Variants in SPOCK3 observed in about 807,000 individuals in gnomAD.
SPOCK3 encodes the protein testican-3.
SPOCK3 carries 30 observed loss-of-function variants against 56.6 expected under a neutral mutation model. The observed-to-expected ratio is 0.53, with a 90% CI of 0.40 to 0.72. The LOEUF (loss-of-function observed/expected upper bound fraction) is 0.72, where lower values mean the gene tolerates loss of function less well. Ranked by LOEUF, SPOCK3 falls within the 30% of genes least tolerant of loss-of-function variation. The pLI is 0.00. For synonymous variants in SPOCK3, 196 were observed against 183.3 expected (o/e 1.07, Z -0.56); for missense variants, 527 against 530.0 (o/e 0.99, Z 0.06).
chr4:167,171,530 C>T (rs1219528295), intron 2 of SPOCK3, among the ~76,000 whole-genome samples: 15 of 152,026 alleles, frequency 9.9e-5, no homozygotes, highest in Admixed American at 8.5e-4. Flanking sequence ...TTAATATTTA[C>T]AATCATTAGA....
intron 7 of SPOCK3, among the ~76,000 whole-genome samples, chr4:166,791,023 A>G (rs1283714641): frequency 6.6e-6 from 1 of 152,178 alleles, no homozygotes; most frequent in East Asian, 1.9e-4. Context: ...CAAAAAATTA[A>G]CCAATAAATC....
chr4:167,053,062 T>C (rs995758455), intron 3 of SPOCK3, among the ~76,000 whole-genome samples: 1 of 152,088 alleles, frequency 6.6e-6, no homozygotes, highest in African/African-American at 2.4e-5. Context: ...AAAGGACATA[T>C]CAGGCTGTGA....
intron 4 of SPOCK3, among the ~76,000 whole-genome samples, chr4:166,973,299 C>T (rs192980634): frequency 6.6e-6 from 1 of 152,200 alleles, no homozygotes; most frequent in East Asian, 1.9e-4. Flanking sequence ...GTCAATTAAA[C>T]CTCTTTTGTT....
At chr4:167,081,006 G>T (rs553691586) in intron 2 of SPOCK3, among the ~76,000 whole-genome samples, 3 of 149,800 alleles carry the variant, frequency 2.0e-5, no homozygotes. Context: ...TCAGCCTCCC[G>T]AGTAGCTGGA....
intron 8 of SPOCK3, among the ~76,000 whole-genome samples, chr4:166,750,989 A>T (rs1298204019): frequency 1.3e-5 from 2 of 151,974 alleles, no homozygotes; most frequent in African/African-American, 4.8e-5. Context: ...ACAGGGTACC[A>T]TCTACCTGAA....
Position 166,841,371 on chromosome 4 carries a change from C to G in SPOCK3, c.589+47759G>C, listed in dbSNP as rs570093149. On this transcript the variant is annotated intron_variant, in intron 6 of 10. Coordinates refer to ENST00000357545, the MANE Select transcript of SPOCK3 (RefSeq NM_001040159.2). ...AGTGTAGATGCAAGCAAAAGAAAAA[C>G]AATTTCACATAGACTTATAGAATTA... Among the ~76,000 whole-genome samples the G allele has an allele frequency of 2.6e-5, 4 of 151,832 alleles. No homozygotes were observed. In the East Asian group the frequency reaches 7.7e-4, roughly 29 times the overall value.
chr4:166,891,900 G>T (rs1734828496), intron 5 of SPOCK3, among the ~76,000 whole-genome samples: 2 of 151,874 alleles, frequency 1.3e-5, no homozygotes, highest in Non-Finnish European at 2.9e-5. Context: ...TTTACCATTT[G>T]AATATATGTT....
intron 2 of SPOCK3, among the ~76,000 whole-genome samples, chr4:167,170,661 GC>G (rs1243518086): frequency 6.6e-6 from 1 of 152,094 alleles, no homozygotes; most frequent in Non-Finnish European, 1.5e-5. Context: ...CAGCAATTCA[GC>G]TTTGAGCCCA....
At chr4:167,057,238 A>C (rs1458027187) in intron 3 of SPOCK3, among the ~76,000 whole-genome samples, 1 of 152,222 alleles carries the variant, frequency 6.6e-6, no homozygotes, top group African/African-American at 2.4e-5. Flanking sequence ...GCAAATGCTC[A>C]GCGATTTTGT....
chr4:167,154,860 G>C (rs560839521), intron 2 of SPOCK3, among the ~76,000 whole-genome samples: 27 of 152,054 alleles, frequency 1.8e-4, no homozygotes, highest in Non-Finnish European at 3.5e-4. Flanking sequence ...ACATGAAATT[G>C]CTAGCATCTA....
intron 5 of SPOCK3, among the ~76,000 whole-genome samples, chr4:166,897,589 C>T (rs541997160): frequency 1.3e-5 from 2 of 152,256 alleles, no homozygotes; most frequent in South Asian, 4.1e-4. Context: ...GGAGAACTGA[C>T]ACGAACATCA....
intron 6 of SPOCK3, among the ~76,000 whole-genome samples, chr4:166,803,272 G>A (rs763239600): frequency 1.3e-5 from 2 of 152,164 alleles, no homozygotes; most frequent in Non-Finnish European, 2.9e-5. Flanking sequence ...ATGTTCACAA[G>A]TATTTCTGAA....
chr4:167,181,007 G>A (rs1297069764), intron 2 of SPOCK3, among the ~76,000 whole-genome samples: 2 of 152,066 alleles, frequency 1.3e-5, no homozygotes, highest in Non-Finnish European at 2.9e-5. Context: ...CCATGGCACT[G>A]ATTCATAATT....
At position 167,131,708 on chromosome 4, in the gene SPOCK3, A is replaced by C. The variant is rs201454034; in HGVS notation, c.190-69171T>G. 2.1e-4 allele frequency among the ~76,000 whole-genome samples: 32 copies of C among 152,338 alleles called. No individual in the cohort carries two copies. The East Asian group carries it at 5.8e-3, about 28-fold the overall frequency. On this transcript the variant is annotated intron_variant, in intron 2 of 10. Transcript: ENST00000357545. Reference sequence around the variant, plus strand: ...TGTTAACTGTAGACCATTCTGTTTTAAAGTCTTTGTGTATGGTTTTCTCAA... The same window carrying C: ...TGTTAACTGTAGACCATTCTGTTTTCAAGTCTTTGTGTATGGTTTTCTCAA...
intron 3 of SPOCK3, among the ~76,000 whole-genome samples, chr4:167,032,573 G>A (rs1327064935): frequency 6.6e-6 from 1 of 151,826 alleles, no homozygotes; most frequent in Non-Finnish European, 1.5e-5. Flanking sequence ...AGCAGGTACT[G>A]TATGCTCAGT....
chr4:167,210,740 A>C (rs376029765), intron 2 of SPOCK3, among the ~76,000 whole-genome samples: 7 of 152,282 alleles, frequency 4.6e-5, no homozygotes, highest in African/African-American at 1.2e-4. Context: ...GAAAAAACAA[A>C]TATCATTCTC....
intron 4 of SPOCK3, among the ~76,000 whole-genome samples, chr4:166,916,654 C>G (rs1490402585): frequency 1.5e-5 from 2 of 130,938 alleles, no homozygotes; most frequent in Non-Finnish European, 3.7e-5. Context: ...AGCAAAAAAA[C>G]AAAAACCACA....
intron 2 of SPOCK3, among the ~76,000 whole-genome samples, chr4:167,157,503 G>A (rs1764915248): frequency 6.6e-6 from 1 of 151,566 alleles, no homozygotes; most frequent in South Asian, 2.1e-4. Context: ...AAAAAATGAG[G>A]TGGGGGTAGT....
At chr4:167,039,849 C>A (rs1753098891) in intron 3 of SPOCK3, among the ~76,000 whole-genome samples, 1 of 152,118 alleles carries the variant, frequency 6.6e-6, no homozygotes, top group Admixed American at 6.5e-5. Context: ...GTTGTATAAA[C>A]AATTAAGACA....
Sources: allele counts gnomAD v4.1 joint callset (sites outside exome capture counted in the v4.1 genomes callset), GRCh38; gene constraint gnomAD v4.1.1; transcripts MANE v1.5; gene names NCBI Gene and HGNC (gene_info 2026-07-23, HGNC 2026-07-21).